The following ABCC1 variants were observed in gnomAD, a reference collection of about 807,000 sequenced individuals.
ABCC1 encodes multidrug resistance-associated protein 1.
A neutral mutation model predicts 172.9 loss-of-function variants in ABCC1; 83 were observed. The observed-to-expected ratio is 0.48, with a 90% CI of 0.40 to 0.58. The LOEUF is 0.58. Among genes scored for constraint, ABCC1 ranks in the 20% least tolerant of loss-of-function variants. The pLI is 0.00. For synonymous variants in ABCC1, 937 were observed against 825.2 expected (o/e 1.14, Z -2.32); for missense variants, 1,817 against 2,002.7 (o/e 0.91, Z 1.77).
At chr16:15,982,235 C>G (rs2046638254) in intron 1 of ABCC1, among the ~76,000 whole-genome samples, 1 of 152,084 alleles carries the variant, frequency 6.6e-6, no homozygotes, top group Non-Finnish European at 1.5e-5. Flanking sequence ...ACAGTAGCAC[C>G]CCACTCCCAG....
At chr16:15,985,712 T>TG (rs1231390357) in intron 1 of ABCC1, among the ~76,000 whole-genome samples, 1 of 152,122 alleles carries the variant, frequency 6.6e-6, no homozygotes. Context: ...CCCAAAGTGC[T>TG]GGGATTACAG....
intron 27 of ABCC1, among the ~76,000 whole-genome samples, chr16:16,133,372 T>TTTTTTTG (rs2045781278): frequency 6.7e-6 from 1 of 148,556 alleles, no homozygotes; most frequent in Non-Finnish European, 1.5e-5. Context: ...CTTGCTGTCT[T>TTTTTTTG]TTTTTGTTTT....
At chr16:15,984,913 G>A (rs2151603092) in intron 1 of ABCC1, among the ~76,000 whole-genome samples, 1 of 152,074 alleles carries the variant, frequency 6.6e-6, no homozygotes, top group South Asian at 2.1e-4. Flanking sequence ...GACCAGCCTG[G>A]GCAACATGGA....
At chr16:16,138,101 C>G (rs2045985670) in intron 29 of ABCC1, among the ~76,000 whole-genome samples, 1 of 152,124 alleles carries the variant, frequency 6.6e-6, no homozygotes, top group Non-Finnish European at 1.5e-5. Context: ...AAGCTATCCT[C>G]CCACCTCAGC....
intron 22 of ABCC1, 124 bp downstream of exon 22, chr16:16,111,706 A>G: frequency 1.2e-6 from 1 of 816,630 alleles, no homozygotes; most frequent in Non-Finnish European, 1.9e-6. Flanking sequence ...AAACCCAGAA[A>G]AATGGTAGCT....
chr16:16,083,626 G>GTCTGCTGCTATCAGCTGACCCGGCAGGGC (rs2050892318), intron 17 of ABCC1, 84 bp downstream of exon 17: 2 of 1,537,400 alleles, frequency 1.3e-6, no homozygotes, highest in Admixed American at 3.5e-5. Context: ...TGGGCTGTGA[G>GTCTGCTGCTATCAGCTGACCCGGCAGGGC]TCTGCTGCTA....
chr16:15,997,444 G>T (rs774027739), intron 1 of ABCC1, among the ~76,000 whole-genome samples: 5 of 152,166 alleles, frequency 3.3e-5, no homozygotes, highest in Non-Finnish European at 5.9e-5. Flanking sequence ...CAAAGGGCAG[G>T]CCCTGGGCCA....
At chr16:15,991,337 C>T (rs1027409766) in intron 1 of ABCC1, among the ~76,000 whole-genome samples, 3 of 152,048 alleles carry the variant, frequency 2.0e-5, no homozygotes, top group African/African-American at 7.2e-5. Context: ...TATTTCTCTT[C>T]TTTCCCTTTT....
At chr16:16,017,693 G>A (rs1345437922) in intron 5 of ABCC1, among the ~76,000 whole-genome samples, 1 of 152,150 alleles carries the variant, frequency 6.6e-6, no homozygotes, top group Non-Finnish European at 1.5e-5. Flanking sequence ...ACAGGTGTGA[G>A]TCACCACGCC....
chr16:15,952,718 A>T (rs1403459657), intron 1 of ABCC1, among the ~76,000 whole-genome samples: 12 of 2,746 alleles, frequency 4.4e-3, no homozygotes, highest in Non-Finnish European at 0.031. Context: ...GAGTTCATTA[A>T]AAAAAAAAAA....
In ABCC1 at chr16:16,016,594, C is replaced by G; in HGVS notation, c.588C>G (p.Pro196=). ...TGTCCTGTTTCTCAGATCGCTCACCCCTGTTCTCGGAAACCATCCACGACC... is the reference window on the plus strand; with the variant it reads ...TGTCCTGTTTCTCAGATCGCTCACCGCTGTTCTCGGAAACCATCCACGACC... ...LVLSCFSDRS[P]LFSETIHDPN... Residue 196 remains proline (P), a synonymous_variant, in exon 5 of 31, where the codon CCC becomes CCG. Transcript: ENST00000399410. 1 of 1,614,184 alleles carries G rather than the reference C, an allele frequency of 6.2e-7. No homozygotes were observed. Among genetic ancestry groups the G allele is most frequent in the East Asian group, 2.2e-5 (1 of 44,882 alleles).
At chr16:16,106,685 G>C in intron 20 of ABCC1, 53 bp from the exon 21 acceptor site, 4 of 1,610,460 alleles carry the variant, frequency 2.5e-6, no homozygotes, top group African/African-American at 1.3e-5. Flanking sequence ...GGAGCCCTCC[G>C]ACCCTGCCCA....
chr16:16,039,254 T>C (rs997979620), intron 7 of ABCC1, among the ~76,000 whole-genome samples: 6 of 141,364 alleles, frequency 4.2e-5, no homozygotes, highest in African/African-American at 1.1e-4. Flanking sequence ...TGTGTGTGTG[T>C]GTGTGTGTTT....
intron 7 of ABCC1, among the ~76,000 whole-genome samples, chr16:16,038,947 T>C (rs974138849): frequency 4.6e-5 from 7 of 152,136 alleles, no homozygotes; most frequent in Admixed American, 6.5e-5. Context: ...AGAGTTTGAA[T>C]CCAGAAGCTC....
chr16:15,988,362 G>A (rs1335469867), intron 1 of ABCC1, among the ~76,000 whole-genome samples: 1 of 152,088 alleles, frequency 6.6e-6, no homozygotes, highest in Non-Finnish European at 1.5e-5. Context: ...CCGGCCCTTG[G>A]TCCCTATTGT....
At chr16:16,123,370 C>G (rs2045251952) in intron 24 of ABCC1, among the ~76,000 whole-genome samples, 1 of 152,136 alleles carries the variant, frequency 6.6e-6, no homozygotes, top group Admixed American at 6.5e-5. Context: ...CGCGGTGGCT[C>G]ACATCTGTAA....
In ABCC1 at chr16:16,142,529, T is replaced by C. The variant is rs1351462437; in HGVS notation, c.*1248T>C. 6.6e-6 allele frequency: 1 copy of C among 152,162 alleles called. No individual in the cohort carries two copies. The highest frequency in any genetic ancestry group is 2.4e-5 in the African/African-American group (1 of 41,442). 9.4% of individuals were successfully genotyped at this position (152,162 alleles called of 1,614,324 possible). A position where few individuals can be genotyped will look rare whatever the true frequency, so the allele number is the denominator to read the frequency against. On this transcript the variant is annotated 3_prime_UTR_variant, in exon 31 of 31. Coordinates refer to ENST00000399410, the MANE Select transcript of ABCC1 (RefSeq NM_004996.4). ...GGTTAGCCCCCCAGGGGGGGCAGCA[T>C]TGTGGAGAACTTGATATTTAGTTAC... is the stretch of plus-strand genomic sequence containing the variant.
At chr16:15,991,156 C>T (rs953412148) in intron 1 of ABCC1, among the ~76,000 whole-genome samples, 35 of 152,090 alleles carry the variant, frequency 2.3e-4, no homozygotes, top group Middle Eastern at 3.4e-3. Context: ...TCACTGCTGT[C>T]GTCTCTAGTT....
At chr16:16,004,901 C>A (rs938104707) in intron 1 of ABCC1, among the ~76,000 whole-genome samples, 14 of 151,800 alleles carry the variant, frequency 9.2e-5, no homozygotes, top group Non-Finnish European at 2.1e-4. Context: ...GTCTCAGACT[C>A]CTGACTGCCT....
Sources: allele counts gnomAD v4.1 joint callset (sites outside exome capture counted in the v4.1 genomes callset), GRCh38; gene constraint gnomAD v4.1.1; transcripts MANE v1.5; gene names NCBI Gene and HGNC (gene_info 2026-07-23, HGNC 2026-07-21).